Variants in CACNA1H observed in about 807,000 individuals in gnomAD.
CACNA1H encodes calcium voltage-gated channel subunit alpha1 H.
Under a neutral mutation model 192.5 loss-of-function variants are expected in CACNA1H, and 149 were observed. The ratio of observed to expected loss-of-function variants is 0.77; its 90% confidence interval spans 0.68 to 0.89. The LOEUF is 0.89. Among genes scored for constraint, CACNA1H ranks in the 40% least tolerant of loss-of-function variants. The pLI, the probability that CACNA1H is intolerant of heterozygous loss-of-function variation, is 0.00. For synonymous variants in CACNA1H, 2,202 were observed against 1,475.2 expected (o/e 1.49, Z -11.29); for missense variants, 4,257 against 3,423.5 (o/e 1.24, Z -6.08).
intron 6 of CACNA1H, among the ~76,000 whole-genome samples, 174 bp from the exon 7 acceptor site, chr16:1,200,082 G>C (rs1340471758): frequency 3.3e-5 from 5 of 152,062 alleles, no homozygotes; most frequent in African/African-American, 1.2e-4. Flanking sequence ...TTGACCCTCA[G>C]TCCTATCATG....
chr16:1,193,517 T>C (rs1275877685), intron 2 of CACNA1H, among the ~76,000 whole-genome samples: 3 of 152,238 alleles, frequency 2.0e-5, no homozygotes, highest in African/African-American at 7.2e-5. Context: ...GGGGTCGCAG[T>C]GGGTGCGTCA....
chr16:1,161,132 A>T, intron 2 of CACNA1H, among the ~76,000 whole-genome samples: 1 of 152,294 alleles, frequency 6.6e-6, no homozygotes, highest in East Asian at 1.9e-4. Context: ...GCCTTGAGCG[A>T]GACCTCAGCG....
Position 1,154,117 on chromosome 16 carries a change from T to A in CACNA1H, c.299+81T>A, listed in dbSNP as rs1180234076. ...CCCGGGGCGCGGGACTCCCTCGGCA[T>A]GCGCCCCCGCGCGCCCCTGTTGGTG... On this transcript the variant is annotated intron_variant, in intron 2 of 34. Transcript: ENST00000348261. 1.9e-6 allele frequency: 2 copies of A among 1,047,986 alleles called. 1 individual carries two copies. The highest frequency in any genetic ancestry group is 3.5e-5 in the African/African-American group (2 of 57,206). 64.9% of individuals were successfully genotyped at this position (1,047,986 alleles called of 1,614,324 possible).
rs12051002 is a variant in CACNA1H at position 1,209,727 on chromosome 16, G to A, written c.3745-308G>A. Among the ~76,000 whole-genome samples, 61,022 of 152,092 alleles carry A rather than the reference G, an allele frequency of 0.4. 12,880 individuals carry two copies. The highest frequency in any genetic ancestry group is 0.76 in the East Asian group (3,937 of 5,160). On this transcript the variant is annotated intron_variant, in intron 17 of 34. Coordinates refer to ENST00000348261, the MANE Select transcript of CACNA1H (RefSeq NM_021098.3). ...GCTGCCGAGGCAGGGCCAGGCATCC[G>A]CTAGGCTCTCAGGCTTCCGTGGGTC...
intron 2 of CACNA1H, among the ~76,000 whole-genome samples, chr16:1,179,955 T>G (rs1009943506): frequency 1.3e-5 from 2 of 151,902 alleles, no homozygotes; most frequent in Non-Finnish European, 2.9e-5. Context: ...CAGGCTGGTG[T>G]TGAACTCCTG....
chr16:1,200,943 A>G (rs1596404736), intron 8 of CACNA1H, 135 bp downstream of exon 8: 27 of 549,748 alleles, frequency 4.9e-5, no homozygotes, highest in South Asian at 9.0e-5. Flanking sequence ...AGGGAGGCAG[A>G]GCTTGCGGGG....
intron 16 of CACNA1H, 77 bp from the exon 17 acceptor site, chr16:1,208,955 A>G (rs1969092350): frequency 7.5e-7 from 1 of 1,340,464 alleles, no homozygotes; most frequent in Non-Finnish European, 9.7e-7. Context: ...TGGCTTGCAC[A>G]CAGTGGGTGC....
chr16:1,207,532 G>T lies in CACNA1H; in HGVS notation c.3063+102G>T, dbSNP rs947059500. ...GTGGGGGGCCTGCCAAGAGGTGAGGGATAGAGAAGGGAAGCTGGCTGCCAT... is the reference window on the plus strand; with the variant it reads ...GTGGGGGGCCTGCCAAGAGGTGAGGTATAGAGAAGGGAAGCTGGCTGCCAT... On this transcript the variant is annotated intron_variant, in intron 14 of 34. Transcript: ENST00000348261. The T allele has an allele frequency of 5.4e-6, 7 of 1,290,964 alleles. No individual in the cohort carries two copies. The African/African-American group carries it at 5.8e-5, about 11-fold the overall frequency. 80.0% of individuals were successfully genotyped at this position (1,290,964 alleles called of 1,614,324 possible).
intron 9 of CACNA1H, 82 bp from the exon 10 acceptor site, chr16:1,203,928 C>A: frequency 9.8e-7 from 1 of 1,023,252 alleles, no homozygotes; most frequent in Non-Finnish European, 1.4e-6. Flanking sequence ...ATTCACCCCA[C>A]CGCTCCTGTG....
intron 30 of CACNA1H, 147 bp downstream of exon 30, chr16:1,215,740 C>T: frequency 1.5e-6 from 1 of 688,218 alleles, no homozygotes; most frequent in Non-Finnish European, 2.5e-6. Context: ...GTGTGCAGTG[C>T]ATGGCTTGGC....
rs1961816993 is a variant in CACNA1H, at chr16:1,153,275, G to C, written c.-214G>C. The stretch of plus-strand genomic sequence containing the variant: ...CGCCGTCGCCTCCGCCGGGCGAGCC[G>C]GAGCCGGAGTCGAGCCGCGGCCGGG... On this transcript the variant is annotated 5_prime_UTR_variant, in exon 1 of 35. Transcript: ENST00000348261. 1.4e-5 allele frequency: 2 copies of C among 145,208 alleles called. No individual in the cohort carries two copies. Among genetic ancestry groups the C allele is most frequent in the Non-Finnish European group, 3.1e-5 (2 of 65,144 alleles). 9.0% of individuals were successfully genotyped at this position (145,208 alleles called of 1,614,324 possible).
chr16:1,172,474 G>C (rs1236346706), intron 2 of CACNA1H, among the ~76,000 whole-genome samples: 1 of 152,146 alleles, frequency 6.6e-6, no homozygotes, highest in Non-Finnish European at 1.5e-5. Flanking sequence ...GTCTGGGGTG[G>C]TCGTGGGGTC....
rs534313745 is a variant in CACNA1H, at chr16:1,189,916, A to T, written c.300-5056A>T. ...CAGTCCAGTGGGGGCTGCCTGGGGA[A>T]CATGTCATCCAGGCCAGACTCCAGG... On this transcript the variant is annotated intron_variant, in intron 2 of 34. Coordinates refer to ENST00000348261, the MANE Select transcript of CACNA1H (RefSeq NM_021098.3). 5.3e-5 allele frequency among the ~76,000 whole-genome samples: 8 copies of T among 152,314 alleles called. No homozygotes were observed. In the South Asian group the frequency reaches 1.4e-3, roughly 28 times the overall value.
rs1310245652 is a variant in CACNA1H at position 1,200,414 on chromosome 16, C to T, written c.962C>T (p.Ala321Val). The T allele has an allele frequency of 2.5e-6, 4 of 1,608,988 alleles. No homozygotes were observed. Among genetic ancestry groups the T allele is most frequent in the South Asian group, 1.1e-5 (1 of 90,898 alleles). The change falls in exon 7 of 35, where the codon GCC becomes GTC. Residue 321 changes from alanine (A) to valine (V), a missense_variant. Ala to Val is a moderately conservative substitution (Grantham distance 64). Coordinates refer to ENST00000348261, the MANE Select transcript of CACNA1H (RefSeq NM_021098.3). ...LRMPCTLGWE[A>V]YTQPQAEGVG... is the part of the protein sequence containing the mutation. ...ATGCCCTGCACCCTGGGCTGGGAGG[C>T]CTACACGCAGCCGCAGGCCGAGGGG...
rs1961822068 is a variant in CACNA1H, at chr16:1,153,326, CGGGGGCGG to C, written c.-162_-155del. On this transcript the variant is annotated 5_prime_UTR_variant, in exon 1 of 35. Transcript: ENST00000348261. ...AGCCGGGCGGGCTGGGGACGCGGGC[CGGGGGCGG>C]AGGCGCTGGGGGCCGGGGCCGGGGC... 2 of 97,606 alleles carry C rather than the reference CGGGGGCGG, an allele frequency of 2.0e-5. No homozygotes were observed. The highest frequency in any genetic ancestry group is 2.0e-4 in the Admixed American group (2 of 10,186). 6.0% of individuals were successfully genotyped at this position (97,606 alleles called of 1,614,324 possible). A position where few individuals can be genotyped will look rare whatever the true frequency, so the allele number is the denominator to read the frequency against.
chr16:1,163,865 T>G (rs908588391), intron 2 of CACNA1H, among the ~76,000 whole-genome samples: 1 of 152,188 alleles, frequency 6.6e-6, no homozygotes, highest in African/African-American at 2.4e-5. Flanking sequence ...GTCGTTGTGA[T>G]GAGAAGCTGG....
chr16:1,186,294 G>T (rs1360480131), intron 2 of CACNA1H, among the ~76,000 whole-genome samples: 2 of 152,016 alleles, frequency 1.3e-5, no homozygotes, highest in Non-Finnish European at 2.9e-5. Context: ...AGGTGTCCCA[G>T]TGGGGCTGTT....
chr16:1,169,526 C>T (rs754066008), intron 2 of CACNA1H, among the ~76,000 whole-genome samples: 1 of 152,212 alleles, frequency 6.6e-6, no homozygotes, highest in African/African-American at 2.4e-5. Context: ...TCGGGTTCCC[C>T]GTGGGCAGCG....
chr16:1,196,534 C>G (rs1175306853), intron 5 of CACNA1H, among the ~76,000 whole-genome samples: 5 of 152,248 alleles, frequency 3.3e-5, no homozygotes, highest in Non-Finnish European at 7.3e-5. Flanking sequence ...CTTCTGGCCC[C>G]TACTCTCCTG....
Sources: gnomAD v4.1 joint callset for allele counts (sites outside exome capture counted in the v4.1 genomes callset) on GRCh38, gnomAD v4.1.1 for gene constraint, MANE v1.5 for transcripts, NCBI Gene and HGNC (gene_info 2026-07-23, HGNC 2026-07-21) for gene names.